RADX: variants seen among roughly 807,000 people sequenced by gnomAD.
The protein encoded by RADX is RPA-related protein RADX.
In RADX, 36 loss-of-function variants were observed where a neutral mutation model predicts 61.6. That is an observed-to-expected ratio of 0.58 (90% CI 0.45 to 0.77). RADX has a LOEUF of 0.77. Ranked by LOEUF, RADX falls within the 30% of genes least tolerant of loss-of-function variation. The pLI is 0.00. For synonymous variants in RADX, 272 were observed against 237.9 expected (o/e 1.14, Z -1.32); for missense variants, 497 against 651.1 (o/e 0.76, Z 2.58).
intron 1 of RADX, among the ~76,000 whole-genome samples, chrX:106,613,098 C>A (rs1926719705): frequency 8.9e-6 from 1 of 111,934 alleles, no homozygotes; most frequent in African/African-American, 3.3e-5. Flanking sequence ...GGAAATAGTA[C>A]GTTGTGTCGG....
intron 11 of RADX, among the ~76,000 whole-genome samples, chrX:106,655,314 G>A (rs1315746431): frequency 9.7e-6 from 1 of 103,182 alleles, no homozygotes; most frequent in Admixed American, 1.0e-4. Context: ...TTTTTTTTAA[G>A]TTGTTATTAG....
intron 2 of RADX, among the ~76,000 whole-genome samples, chrX:106,623,142 C>T (rs1380566259): frequency 2.7e-5 from 3 of 111,067 alleles, no homozygotes; most frequent in Non-Finnish European, 5.7e-5. Context: ...CTCCTTTGGC[C>T]TTATGACTCT....
intron 2 of RADX, among the ~76,000 whole-genome samples, chrX:106,623,428 G>T (rs1848990902): frequency 9.0e-6 from 1 of 111,255 alleles, no homozygotes; most frequent in South Asian, 3.7e-4. Context: ...ATGATATCAA[G>T]AACTATTTTA....
chrX:106,665,772 T>C (rs899060616), intron 12 of RADX, among the ~76,000 whole-genome samples: 1 of 112,100 alleles, frequency 8.9e-6, no homozygotes, highest in Non-Finnish European at 1.9e-5. Flanking sequence ...GCCAAAAATG[T>C]TATTTGGACC....
Position 106,639,538 on chromosome X carries a change from T to A in RADX, c.1585T>A (p.Leu529Met). 8.4e-7 allele frequency: 1 copy of A among 1,191,229 alleles called. No homozygotes were observed. Residue 529 changes from leucine to methionine, a missense_variant, in exon 9 of 14, where the codon TTG becomes ATG. Transcript: ENST00000372548. ...YSSSIKVESL[L>M]TAISEVRKEI... ...GGACTTTTTTGCAGTTGAGTCGCTC[T>A]TGACAGCTATAAGTGAAGTCAGGAA...
chrX:106,638,037 T>C, intron 8 of RADX, 113 bp downstream of exon 8: 1 of 591,699 alleles, frequency 1.7e-6, no homozygotes, highest in Non-Finnish European at 2.7e-6. Flanking sequence ...ATCTAAAGTT[T>C]AGCAACATTC....
chrX:106,676,227 A>G (rs1928505131), intron 13 of RADX, among the ~76,000 whole-genome samples: 1 of 112,569 alleles, frequency 8.9e-6, no homozygotes, highest in Admixed American at 9.4e-5. Context: ...AGTTGTAATC[A>G]TTATGATTTA....
intron 11 of RADX, among the ~76,000 whole-genome samples, chrX:106,650,874 G>A (rs973240643): frequency 9.0e-6 from 1 of 111,423 alleles, no homozygotes; most frequent in Non-Finnish European, 1.9e-5. Flanking sequence ...AAATAATTTA[G>A]TGTATTTGGA....
chrX:106,676,946 A>T (rs770598327), intron 13 of RADX, among the ~76,000 whole-genome samples: 1 of 111,767 alleles, frequency 8.9e-6, no homozygotes, highest in Non-Finnish European at 1.9e-5. Flanking sequence ...TTTACACCAC[A>T]TATATCTTTT....
In RADX at chrX:106,648,438, C is replaced by T. The variant is rs754675977; in HGVS notation, c.1978+52C>T. The stretch of plus-strand genomic sequence containing the variant: ...TATGAAAACTTTATGAAACATTATT[C>T]TATGAAGATTACTATTTAATTACTA... On this transcript the variant is annotated intron_variant, in intron 11 of 13. Transcript: ENST00000372548. 3 of 820,406 alleles carry T rather than the reference C, an allele frequency of 3.7e-6. No individual in the cohort carries two copies. The South Asian group carries it at 6.9e-5, about 19-fold the overall frequency. The allele number at this position is 820,406 out of a possible 1,213,427, so 67.6% of individuals were successfully genotyped here. A position where few individuals can be genotyped will look rare whatever the true frequency, so the allele number is the denominator to read the frequency against.
At chrX:106,654,293 GA>G (rs1408747026) in intron 11 of RADX, among the ~76,000 whole-genome samples, 2 of 104,088 alleles carry the variant, frequency 1.9e-5, no homozygotes, top group African/African-American at 4.2e-5. Flanking sequence ...TAGTGATGAT[GA>G]TTTTTTTTTC....
intron 10 of RADX, among the ~76,000 whole-genome samples, chrX:106,642,389 A>T (rs1038421872): frequency 5.4e-5 from 6 of 111,269 alleles, no homozygotes; most frequent in Non-Finnish European, 7.5e-5. Flanking sequence ...AAACGTCTTC[A>T]CTTCCCCGCA....
chrX:106,668,319 G>C (rs781335969), intron 12 of RADX, among the ~76,000 whole-genome samples: 3 of 111,614 alleles, frequency 2.7e-5, no homozygotes, highest in African/African-American at 9.7e-5. Flanking sequence ...GACCGAAAAG[G>C]AGGAGTTAAG....
chrX:106,614,394 C>T (rs1443491894), intron 1 of RADX, among the ~76,000 whole-genome samples: 1 of 111,743 alleles, frequency 8.9e-6, no homozygotes, highest in Admixed American at 9.5e-5. Flanking sequence ...TTTCTATAAT[C>T]ATGCCCATGT....
intron 11 of RADX, among the ~76,000 whole-genome samples, chrX:106,650,172 T>C (rs1927759766): frequency 9.0e-6 from 1 of 110,996 alleles, no homozygotes; most frequent in Non-Finnish European, 1.9e-5. Context: ...TTCCTGTATC[T>C]CCTGGGCAAT....
intron 1 of RADX, among the ~76,000 whole-genome samples, chrX:106,621,917 A>G (rs1173466244): frequency 2.9e-5 from 3 of 102,538 alleles, no homozygotes; most frequent in Non-Finnish European, 5.8e-5. Context: ...TAATAAAACA[A>G]TTCTATGGTT....
intron 12 of RADX, among the ~76,000 whole-genome samples, chrX:106,667,483 T>C (rs945186034): frequency 9.1e-6 from 1 of 109,463 alleles, no homozygotes; most frequent in African/African-American, 3.3e-5. Context: ...CACCCAGTTA[T>C]TATTTTTATT....
At chrX:106,625,038 G>T in intron 2 of RADX, 52 bp from the exon 3 acceptor site, 1 of 860,716 alleles carries the variant, frequency 1.2e-6, no homozygotes, top group Admixed American at 3.1e-5. Flanking sequence ...TATATTATCT[G>T]TACAGATAAA....
chrX:106,614,939 T>C (rs190842917), intron 1 of RADX, among the ~76,000 whole-genome samples: 1 of 111,856 alleles, frequency 8.9e-6, no homozygotes, highest in East Asian at 2.8e-4. Flanking sequence ...CTTTAAGATA[T>C]AGAACATTTC....
Sources: allele counts gnomAD v4.1 joint callset (sites outside exome capture counted in the v4.1 genomes callset), GRCh38; gene constraint gnomAD v4.1.1; transcripts MANE v1.5; gene names NCBI Gene and HGNC (gene_info 2026-07-23, HGNC 2026-07-21).